The following XIRP2 variants were observed in gnomAD, a reference collection of about 807,000 sequenced individuals.
The protein encoded by XIRP2 is xin actin binding repeat containing 2, also known as xin actin-binding repeat-containing protein 2.
XIRP2 carries 236 observed loss-of-function variants against 277.0 expected under a neutral mutation model. The observed-to-expected ratio is 0.85, with a 90% CI of 0.77 to 0.95. XIRP2 has a LOEUF of 0.95. XIRP2 is among the 40% of genes least tolerant of loss of function. XIRP2 has a pLI of 0.00. For missense variants in XIRP2, 4,640 were observed against 4,157.5 expected, an observed-to-expected ratio of 1.12 and a Z score of -3.19; for synonymous variants, 1,490 against 1,416.5, an observed-to-expected ratio of 1.05 and a Z score of -1.17.
chr2:167,182,354 A>G (rs1358129851), intron 3 of XIRP2, among the ~76,000 whole-genome samples: 1 of 152,186 alleles, frequency 6.6e-6, no homozygotes, highest in Non-Finnish European at 1.5e-5. Context: ...AGAATTACAT[A>G]TCAGATGACT....
intron 5 of XIRP2, among the ~76,000 whole-genome samples, chr2:167,223,192 T>C (rs941093158): frequency 6.6e-6 from 1 of 152,158 alleles, no homozygotes; most frequent in Non-Finnish European, 1.5e-5. Flanking sequence ...CCCAGAAGCT[T>C]CTTCTTTCCT....
chr2:166,892,273 G>C (rs1383329578), intron 1 of XIRP2, among the ~76,000 whole-genome samples: 1 of 151,978 alleles, frequency 6.6e-6, no homozygotes, highest in Non-Finnish European at 1.5e-5. Flanking sequence ...AATTATACCT[G>C]AAAAAAATAT....
intron 2 of XIRP2, among the ~76,000 whole-genome samples, chr2:166,940,031 C>A (rs1373296436): frequency 6.6e-6 from 1 of 152,202 alleles, no homozygotes; most frequent in East Asian, 1.9e-4. Context: ...GGATAATATC[C>A]TGCAGAGTGT....
chr2:167,061,295 A>T (rs1254968654), intron 2 of XIRP2, among the ~76,000 whole-genome samples: 1 of 152,180 alleles, frequency 6.6e-6, no homozygotes, highest in African/African-American at 2.4e-5. Flanking sequence ...TTACCTGTAG[A>T]TCAACACAAT....
intron 2 of XIRP2, among the ~76,000 whole-genome samples, chr2:166,960,055 C>A (rs895134880): frequency 2.0e-5 from 3 of 151,702 alleles, no homozygotes; most frequent in African/African-American, 7.3e-5. Flanking sequence ...AATATTTCAC[C>A]GTAGCTAAAC....
intron 2 of XIRP2, among the ~76,000 whole-genome samples, chr2:167,013,451 T>C (rs1687737076): frequency 6.6e-6 from 1 of 151,478 alleles, no homozygotes; most frequent in Non-Finnish European, 1.5e-5. Flanking sequence ...TCATTAGTTC[T>C]GGGAGAAGCT....
chr2:167,087,261 C>T, intron 2 of XIRP2, among the ~76,000 whole-genome samples: 1 of 152,328 alleles, frequency 6.6e-6, no homozygotes, highest in Non-Finnish European at 1.5e-5. Flanking sequence ...GCTCGGAGGT[C>T]AGGGGTCAGG....
At chr2:167,068,460 C>T (rs1020317360) in intron 2 of XIRP2, among the ~76,000 whole-genome samples, 1 of 152,086 alleles carries the variant, frequency 6.6e-6, no homozygotes, top group Admixed American at 6.6e-5. Flanking sequence ...AGTTTTGTTT[C>T]ATTTTTTAAT....
rs191323925 is a variant in XIRP2 at position 166,927,215 on chromosome 2, C to T, written c.408+23325C>T. Among the ~76,000 whole-genome samples the T allele has an allele frequency of 9.6e-4, 146 of 152,108 alleles. 1 individual carries two copies. Among genetic ancestry groups the T allele is most frequent in the African/African-American group, 3.4e-3 (141 of 41,516 alleles). On this transcript the variant is annotated intron_variant, in intron 2 of 10. Coordinates refer to ENST00000409195, the MANE Select transcript of XIRP2 (RefSeq NM_152381.6). Reference sequence around the variant, plus strand: ...AAATACCAGGGAAAGACAATGGGAACGGAAGAGTAAAATGAGCACCACCTT... The same window carrying T: ...AAATACCAGGGAAAGACAATGGGAATGGAAGAGTAAAATGAGCACCACCTT...
intron 2 of XIRP2, among the ~76,000 whole-genome samples, chr2:167,030,899 G>C (rs1250352947): frequency 6.6e-6 from 1 of 151,982 alleles, no homozygotes. Flanking sequence ...ATATATTTTG[G>C]AGTGTTAGCT....
intron 5 of XIRP2, among the ~76,000 whole-genome samples, chr2:167,219,462 A>G (rs541592657): frequency 7.1e-4 from 108 of 152,342 alleles, no homozygotes; most frequent in African/African-American, 2.4e-3. Flanking sequence ...ATGAATTTAT[A>G]GATCCTTCAC....
At chr2:167,017,126 A>G (rs576190871) in intron 2 of XIRP2, among the ~76,000 whole-genome samples, 1 of 152,008 alleles carries the variant, frequency 6.6e-6, no homozygotes, top group East Asian at 1.9e-4. Context: ...TAGTTCCTCC[A>G]TTGTTTCTGT....
rs759419178 is a variant in XIRP2 at position 167,249,932 on chromosome 2, AATC to A, written c.8542_8544del (p.Ser2848del). ...AGAAAACACGAACATCTGAAGAATA[AATC>A]AGCACCAAAGGTCGTCAAGCAAAAG... is the stretch of plus-strand genomic sequence containing the variant. On this transcript the variant is annotated inframe_deletion, in exon 9 of 11. Coordinates refer to ENST00000409195, the MANE Select transcript of XIRP2 (RefSeq NM_152381.6). 5.0e-6 allele frequency: 8 copies of A among 1,613,488 alleles called. No homozygotes were observed. The African/African-American group carries it at 9.4e-5, about 19-fold the overall frequency.
chr2:167,062,188 C>T (rs1689188640), intron 2 of XIRP2, among the ~76,000 whole-genome samples: 1 of 152,104 alleles, frequency 6.6e-6, no homozygotes, highest in Non-Finnish European at 1.5e-5. Flanking sequence ...TCCAACTCTG[C>T]GTTCAGAGAC....
chr2:167,177,412 A>G (rs1340419000), intron 3 of XIRP2, among the ~76,000 whole-genome samples: 1 of 152,158 alleles, frequency 6.6e-6, no homozygotes, highest in African/African-American at 2.4e-5. Context: ...CCTGCATCCT[A>G]AGGGAAATCT....
intron 2 of XIRP2, among the ~76,000 whole-genome samples, chr2:166,979,370 T>A (rs36104312): frequency 1.8e-5 from 1 of 55,160 alleles, no homozygotes. Flanking sequence ...TTTTCTTTTC[T>A]TTTTTTTTTT....
At chr2:167,087,258 G>A (rs1183535518) in intron 2 of XIRP2, among the ~76,000 whole-genome samples, 1 of 152,206 alleles carries the variant, frequency 6.6e-6, no homozygotes, top group Non-Finnish European at 1.5e-5. Flanking sequence ...GCTGCTCGGA[G>A]GTCAGGGGTC....
chr2:167,221,208 C>T (rs1332362974), intron 5 of XIRP2, among the ~76,000 whole-genome samples: 2 of 152,128 alleles, frequency 1.3e-5, no homozygotes, highest in African/African-American at 4.8e-5. Flanking sequence ...TGCGGTGTCT[C>T]ATGCCTGTAA....
chr2:166,985,816 A>C (rs1477180451), intron 2 of XIRP2, among the ~76,000 whole-genome samples: 1 of 152,084 alleles, frequency 6.6e-6, no homozygotes, highest in African/African-American at 2.4e-5. Flanking sequence ...CTGAAAAAAA[A>C]ACCCATAATA....
Sources: gnomAD v4.1 joint callset for allele counts (sites outside exome capture counted in the v4.1 genomes callset) on GRCh38, gnomAD v4.1.1 for gene constraint, MANE v1.5 for transcripts, NCBI Gene and HGNC (gene_info 2026-07-23, HGNC 2026-07-21) for gene names.